The following C2CD5 variants were observed in gnomAD, a reference collection of about 807,000 sequenced individuals.
The protein encoded by C2CD5 is C2 domain-containing protein 5.
Under a neutral mutation model 130.3 loss-of-function variants are expected in C2CD5, and 109 were observed. The ratio of observed to expected loss-of-function variants is 0.84; its 90% confidence interval spans 0.72 to 0.98. The LOEUF is 0.98. Ranked by LOEUF, C2CD5 falls within the 50% of genes least tolerant of loss-of-function variation. C2CD5 has a pLI of 0.00. For missense variants in C2CD5, 996 were observed against 1,261.8 expected, an observed-to-expected ratio of 0.79 and a Z score of 3.19; for synonymous variants, 454 against 429.2, an observed-to-expected ratio of 1.06 and a Z score of -0.71.
chr12:22,479,618 A>AT (rs1944412830), intron 14 of C2CD5, among the ~76,000 whole-genome samples: 2 of 152,036 alleles, frequency 1.3e-5, no homozygotes, highest in Non-Finnish European at 2.9e-5. Context: ...TAAAACCCAA[A>AT]CGCATTTCAC....
intron 10 of C2CD5, among the ~76,000 whole-genome samples, chr12:22,504,374 T>C (rs9737810): frequency 0.094 from 14,143 of 150,934 alleles, 952 homozygotes; most frequent in African/African-American, 0.19. Context: ...CGATCTCAGC[T>C]CACTACAACC....
chr12:22,538,605 T>G (rs532338662), intron 2 of C2CD5, among the ~76,000 whole-genome samples: 1 of 152,328 alleles, frequency 6.6e-6, no homozygotes, highest in South Asian at 2.1e-4. Context: ...CTCCTCCTAA[T>G]TTTTGGACTA....
intron 26 of C2CD5, among the ~76,000 whole-genome samples, chr12:22,451,741 C>T (rs1041208906): frequency 6.6e-6 from 1 of 151,508 alleles, no homozygotes; most frequent in African/African-American, 2.4e-5. Flanking sequence ...ACAATGCAAT[C>T]TACCTCTTGG....
At chr12:22,461,719 C>T (rs1240141279) in intron 22 of C2CD5, among the ~76,000 whole-genome samples, 2 of 151,678 alleles carry the variant, frequency 1.3e-5, no homozygotes, top group Admixed American at 6.6e-5. Context: ...TTACTTTTAC[C>T]CAGTAAAATT....
At chr12:22,542,672 A>G (rs1952506825) in intron 2 of C2CD5, among the ~76,000 whole-genome samples, 1 of 152,178 alleles carries the variant, frequency 6.6e-6, no homozygotes, top group African/African-American at 2.4e-5. Flanking sequence ...TACAATACTC[A>G]TCACTTTGGT....
intron 17 of C2CD5, 148 bp downstream of exon 17, chr12:22,472,596 T>C (rs1014797023): frequency 5.8e-6 from 4 of 684,858 alleles, no homozygotes; most frequent in African/African-American, 1.8e-5. Flanking sequence ...TTAAGGTATG[T>C]TTTCTACCTT....
intron 22 of C2CD5, among the ~76,000 whole-genome samples, chr12:22,467,531 T>C (rs1942286864): frequency 6.6e-6 from 1 of 152,228 alleles, no homozygotes; most frequent in African/African-American, 2.4e-5. Context: ...ATGTTAATAA[T>C]TGAAGAACCA....
At chr12:22,529,908 G>A (rs1240495736) in intron 3 of C2CD5, among the ~76,000 whole-genome samples, 1 of 151,638 alleles carries the variant, frequency 6.6e-6, no homozygotes, top group Admixed American at 6.6e-5. Flanking sequence ...TGCTAAACTG[G>A]AGCCAAAAGG....
At chr12:22,461,790 C>T (rs750123077) in intron 22 of C2CD5, among the ~76,000 whole-genome samples, 1 of 152,022 alleles carries the variant, frequency 6.6e-6, no homozygotes, top group Admixed American at 6.5e-5. Flanking sequence ...CCCTCAAATA[C>T]GAATGCATCT....
Position 22,449,738 on chromosome 12 carries a change from A to G in C2CD5, c.*22T>C, listed in dbSNP as rs765189759. On this transcript the variant is annotated 3_prime_UTR_variant, in exon 27 of 27. Transcript: ENST00000446597. ...GAGATTGATGAATTTCATTTAGTTG[A>G]GCTCTTTTTTCCTAATTTTCCTCAG... The G allele has an allele frequency of 1.7e-5, 26 of 1,552,074 alleles. No individual in the cohort carries two copies. Among genetic ancestry groups the G allele is most frequent in the Non-Finnish European group, 2.2e-5 (25 of 1,135,062 alleles).
intron 26 of C2CD5, among the ~76,000 whole-genome samples, chr12:22,450,178 A>G (rs1938259398): frequency 6.6e-6 from 1 of 152,152 alleles, no homozygotes; most frequent in African/African-American, 2.4e-5. Flanking sequence ...AAAAAAATGT[A>G]AAAGTTGGAT....
intron 3 of C2CD5, among the ~76,000 whole-genome samples, chr12:22,530,257 T>G (rs929245727): frequency 6.8e-6 from 1 of 146,970 alleles, no homozygotes. Flanking sequence ...TACATACAAC[T>G]GTGTATATAT....
At chr12:22,526,132 A>C (rs750278149) in intron 4 of C2CD5, among the ~76,000 whole-genome samples, 3 of 152,124 alleles carry the variant, frequency 2.0e-5, no homozygotes, top group Non-Finnish European at 4.4e-5. Context: ...TTTGTTTCCT[A>C]GTTATTTTCT....
intron 10 of C2CD5, chr12:22,502,627 CT>C (rs1947943240): frequency 1.7e-6 from 1 of 580,388 alleles, no homozygotes; most frequent in African/African-American, 1.9e-5. Context: ...AGAATATTAT[CT>C]GTATAACTGA....
chr12:22,492,646 G>A (rs561592854), intron 11 of C2CD5, among the ~76,000 whole-genome samples: 5 of 152,142 alleles, frequency 3.3e-5, no homozygotes, highest in Non-Finnish European at 7.4e-5. Context: ...GAACAGTAGC[G>A]TGGCATGTAC....
At chr12:22,467,197 C>T (rs1419401549) in intron 22 of C2CD5, among the ~76,000 whole-genome samples, 2 of 151,964 alleles carry the variant, frequency 1.3e-5, no homozygotes, top group African/African-American at 2.4e-5. Flanking sequence ...TTTGAGACAG[C>T]GTCACTCTGT....
intron 19 of C2CD5, among the ~76,000 whole-genome samples, 187 bp downstream of exon 19, chr12:22,471,780 T>C (rs1224352746): frequency 2.6e-5 from 4 of 152,154 alleles, no homozygotes; most frequent in Middle Eastern, 6.8e-3. Context: ...CTATTTCTTT[T>C]ATAATTTGAT....
intron 10 of C2CD5, chr12:22,497,536 TATC>T (rs1947180109): frequency 1.8e-6 from 1 of 563,328 alleles, no homozygotes; most frequent in African/African-American, 2.0e-5. Flanking sequence ...AATGATAATC[TATC>T]ATGTTAACGG....
intron 9 of C2CD5, among the ~76,000 whole-genome samples, chr12:22,512,265 G>A (rs188562122): frequency 4.2e-4 from 64 of 152,248 alleles, no homozygotes; most frequent in Admixed American, 4.0e-3. Flanking sequence ...AACCTCTAGA[G>A]GAGAAATACT....
Sources: allele counts gnomAD v4.1 joint callset (sites outside exome capture counted in the v4.1 genomes callset), GRCh38; gene constraint gnomAD v4.1.1; transcripts MANE v1.5; gene names NCBI Gene and HGNC (gene_info 2026-07-23, HGNC 2026-07-21).